SNX24: variants seen among roughly 807,000 people sequenced by gnomAD.
SNX24 encodes sorting nexin 24.
SNX24 carries 22 observed loss-of-function variants against 28.7 expected under a neutral mutation model. The observed-to-expected ratio is 0.77, with a 90% CI of 0.55 to 1.10. The LOEUF (loss-of-function observed/expected upper bound fraction) is 1.10, where lower values mean the gene tolerates loss of function less well. Ranked by LOEUF, SNX24 falls within the 50% of genes least tolerant of loss-of-function variation. The probability of loss-of-function intolerance (pLI) is 0.00; values close to 1 mark genes in which losing one functional copy is unlikely to be tolerated. For synonymous variants in SNX24, 69 were observed against 71.5 expected, an observed-to-expected ratio of 0.96 and a Z score of 0.18; for missense variants, 221 against 201.1, an observed-to-expected ratio of 1.10 and a Z score of -0.60.
At chr5:122,912,968 G>A (rs1384083670) in intron 1 of SNX24, among the ~76,000 whole-genome samples, 8 of 151,962 alleles carry the variant, frequency 5.3e-5, no homozygotes, top group African/African-American at 1.9e-4. Flanking sequence ...ATCTTGCACC[G>A]CCCTTAATCC....
chr5:123,023,853 T>A lies in SNX24; in HGVS notation n.384-5385T>A, dbSNP rs766018743. The A allele has an allele frequency of 4.2e-5, 67 of 1,592,010 alleles. 1 individual carries two copies. The South Asian group carries it at 7.0e-4, about 17-fold the overall frequency. On this transcript the variant is annotated intron_variant and non_coding_transcript_variant, in intron 5 of 5. Transcript: ENST00000502387. ...ACACACACACCCCTGCCAAAGCATA[T>A]CCTTGTTTTCTGCCAGTTGTGTCAC... is the stretch of plus-strand genomic sequence containing the variant.
At position 122,891,650 on chromosome 5, in the gene SNX24, T is replaced by A. The variant is rs370142376; in HGVS notation, c.61-45084T>A. Among the ~76,000 whole-genome samples the A allele has an allele frequency of 2.1e-4, 32 of 152,370 alleles. No homozygotes were observed. In the South Asian group the frequency reaches 6.2e-3, roughly 30 times the overall value. ...TACTCCCAAAGAAGGCCTCTCATGA[T>A]TCTGGAGAAGTATTACTGGATCTTC... On this transcript the variant is annotated intron_variant, in intron 1 of 6. Transcript: ENST00000261369.
In SNX24 at chr5:123,023,779, A is replaced by C; in HGVS notation, n.384-5459A>C. On this transcript the variant is annotated intron_variant and non_coding_transcript_variant, in intron 5 of 5. Coordinates refer to the SNX24 transcript ENST00000502387. ...TAGAATACAAAAAGAAAGTAAAAAA[A>C]AAAAAGCAAATAATTGAAAGACAAC... The C allele has an allele frequency of 1.4e-6, 2 of 1,404,866 alleles. 1 individual carries two copies. The allele number at this position is 1,404,866 out of a possible 1,614,324, so 87.0% of individuals were successfully genotyped here. A position where few individuals can be genotyped will look rare whatever the true frequency, so the allele number is the denominator to read the frequency against.
chr5:122,908,074 G>T (rs1310080154), intron 1 of SNX24, among the ~76,000 whole-genome samples: 1 of 152,156 alleles, frequency 6.6e-6, no homozygotes, highest in Non-Finnish European at 1.5e-5. Flanking sequence ...TCACCACATA[G>T]ACAAAACAGT....
At chr5:122,902,310 C>T (rs568365285) in intron 1 of SNX24, among the ~76,000 whole-genome samples, 2 of 152,316 alleles carry the variant, frequency 1.3e-5, no homozygotes, top group South Asian at 4.1e-4. Flanking sequence ...CTTTCAACTC[C>T]AGTTGGGATG....
intron 1 of SNX24, among the ~76,000 whole-genome samples, chr5:122,911,114 ATC>A (rs1757866547): frequency 2.6e-5 from 4 of 152,140 alleles, no homozygotes; most frequent in Non-Finnish European, 4.4e-5. Context: ...ATTTCTCCAC[ATC>A]CTCTCCAGCA....
At chr5:122,935,070 TG>T (rs550686276) in intron 1 of SNX24, among the ~76,000 whole-genome samples, 74 of 152,334 alleles carry the variant, frequency 4.9e-4, no homozygotes, top group Admixed American at 1.4e-3. Flanking sequence ...TTATAGATTC[TG>T]TAGGTAATGT....
chr5:122,847,357 C>T (rs1754686340), intron 1 of SNX24, among the ~76,000 whole-genome samples: 1 of 152,110 alleles, frequency 6.6e-6, no homozygotes, highest in Non-Finnish European at 1.5e-5. Flanking sequence ...GTGAATTAAA[C>T]TGATGTGGAA....
intron 6 of SNX24, among the ~76,000 whole-genome samples, chr5:123,006,846 A>G: frequency 6.6e-6 from 1 of 152,250 alleles, no homozygotes. Flanking sequence ...TTATTTACAC[A>G]GTAGACAATA....
In SNX24 at chr5:122,867,721, ATCC is replaced by A. The variant is rs778402360; in HGVS notation, c.60+22034_60+22036del. 2.3e-4 allele frequency among the ~76,000 whole-genome samples: 35 copies of A among 152,216 alleles called. No individual in the cohort carries two copies. In the Middle Eastern group the frequency reaches 0.01, roughly 44 times the overall value. ...TATTCAAATCCTCATGATTATTAAA[ATCC>A]TCCTCTGCTGAGATCACCCTTTGGT... On this transcript the variant is annotated intron_variant, in intron 1 of 6. Coordinates refer to ENST00000261369, the MANE Select transcript of SNX24 (RefSeq NM_014035.4).
intron 5 of SNX24, among the ~76,000 whole-genome samples, chr5:123,018,429 A>T (rs1014770641): frequency 6.6e-6 from 1 of 152,130 alleles, no homozygotes; most frequent in Admixed American, 6.5e-5. Context: ...TAGATCCAGG[A>T]TATCTATAAC....
chr5:122,898,537 TGTATA>T (rs1407681695), intron 1 of SNX24, among the ~76,000 whole-genome samples: 5 of 152,190 alleles, frequency 3.3e-5, no homozygotes, highest in Non-Finnish European at 5.9e-5. Flanking sequence ...TCTGAGTTTG[TGTATA>T]GGCAGAGCTC....
chr5:122,864,186 C>G (rs1216662923), intron 1 of SNX24, among the ~76,000 whole-genome samples: 1 of 151,712 alleles, frequency 6.6e-6, no homozygotes. Context: ...CTATAGTATC[C>G]CAAGTAAAAG....
At chr5:122,900,947 T>C (rs1419019181) in intron 1 of SNX24, among the ~76,000 whole-genome samples, 1 of 152,164 alleles carries the variant, frequency 6.6e-6, no homozygotes, top group Non-Finnish European at 1.5e-5. Context: ...GTGCCTGTAA[T>C]CCCAGCACTT....
intron 1 of SNX24, among the ~76,000 whole-genome samples, chr5:122,912,342 G>A (rs1317542393): frequency 1.3e-5 from 2 of 151,046 alleles, no homozygotes; most frequent in Non-Finnish European, 2.9e-5. Flanking sequence ...CTTTGCTGAA[G>A]TTGCTTATGA....
chr5:122,930,944 G>A (rs890118563), intron 1 of SNX24, among the ~76,000 whole-genome samples: 2 of 152,116 alleles, frequency 1.3e-5, no homozygotes, highest in Admixed American at 1.3e-4. Context: ...ATGTCGTTTT[G>A]TTAAAAAGTT....
chr5:122,914,326 A>G (rs1367996339), intron 1 of SNX24, among the ~76,000 whole-genome samples: 5 of 152,226 alleles, frequency 3.3e-5, no homozygotes, highest in African/African-American at 1.2e-4. Flanking sequence ...TTTTGCATCA[A>G]TGTTCATCAA....
At chr5:123,028,494 C>A (rs907069054) in intron 5 of SNX24, 91 of 317,424 alleles carry the variant, frequency 2.9e-4, no homozygotes, top group Admixed American at 5.9e-4. Flanking sequence ...TGTATGGCTA[C>A]TGACTAGTAG....
intron 5 of SNX24, among the ~76,000 whole-genome samples, chr5:123,024,455 A>G (rs962289816): frequency 6.6e-6 from 1 of 152,200 alleles, no homozygotes; most frequent in Non-Finnish European, 1.5e-5. Flanking sequence ...AAATGGACCT[A>G]GTTCTAGGTT....
Sources: gnomAD v4.1 joint callset for allele counts (sites outside exome capture counted in the v4.1 genomes callset) on GRCh38, gnomAD v4.1.1 for gene constraint, MANE v1.5 for transcripts, NCBI Gene and HGNC (gene_info 2026-07-23, HGNC 2026-07-21) for gene names.